Variants in SCGB1D1 observed in about 807,000 individuals in gnomAD.
SCGB1D1 encodes the protein secretoglobin family 1D member 1, also known as lipophilin A (uteroglobin family member).
A neutral mutation model predicts 8.3 loss-of-function variants in SCGB1D1; 10 were observed. That is an observed-to-expected ratio of 1.21 (90% CI 0.74 to 2.05). The LOEUF (loss-of-function observed/expected upper bound fraction) is 2.05. Among genes scored for constraint, SCGB1D1 ranks in the 30% most tolerant of loss-of-function variants. The probability of loss-of-function intolerance (pLI) is 0.00; values close to 1 mark genes in which losing one functional copy is unlikely to be tolerated. For synonymous variants in SCGB1D1, 46 were observed against 41.7 expected (o/e 1.10, Z -0.39); for missense variants, 94 against 105.1 (o/e 0.89, Z 0.46).
chr11:62,191,906 G>C, intron 1 of SCGB1D1, 150 bp from the exon 2 acceptor site: 1 of 632,596 alleles, frequency 1.6e-6, no homozygotes, highest in African/African-American at 1.8e-5. Flanking sequence ...CCTCAAGGAA[G>C]TCACAACCTC....
intron 1 of SCGB1D1, among the ~76,000 whole-genome samples, chr11:62,190,853 A>G (rs1351146730): frequency 1.3e-5 from 2 of 152,150 alleles, no homozygotes; most frequent in East Asian, 3.9e-4. Flanking sequence ...AGCTTCTTAC[A>G]TTGTAAATTC....
intron 1 of SCGB1D1, 49 bp from the exon 2 acceptor site, chr11:62,192,007 G>A (rs1316942066): frequency 6.6e-7 from 1 of 1,517,702 alleles, no homozygotes; most frequent in Non-Finnish European, 8.9e-7. Context: ...AGGCATGGGA[G>A]AAACACTGAT....
At chr11:62,192,856 G>A (rs1009657709) in intron 2 of SCGB1D1, among the ~76,000 whole-genome samples, 1 of 152,204 alleles carries the variant, frequency 6.6e-6, no homozygotes, top group Non-Finnish European at 1.5e-5. Flanking sequence ...CCATGGAAGC[G>A]GGATGTTCTC....
intron 2 of SCGB1D1, among the ~76,000 whole-genome samples, chr11:62,192,680 G>T (rs922386681): frequency 1.3e-5 from 2 of 152,068 alleles, no homozygotes; most frequent in Non-Finnish European, 2.9e-5. Flanking sequence ...TAGAGCAGGG[G>T]CTCCTGCAGA....
intron 2 of SCGB1D1, among the ~76,000 whole-genome samples, chr11:62,193,166 C>A (rs963840306): frequency 1.3e-5 from 2 of 152,160 alleles, no homozygotes; most frequent in African/African-American, 4.8e-5. Flanking sequence ...TCTGCTCTGT[C>A]CCCCCTCTAT....
chr11:62,192,345 C>A, intron 2 of SCGB1D1, 102 bp downstream of exon 2: 1 of 1,061,052 alleles, frequency 9.4e-7, no homozygotes, highest in Non-Finnish European at 1.4e-6. Context: ...GGTGGTGGGG[C>A]ACCTGCCTTA....
intron 1 of SCGB1D1, among the ~76,000 whole-genome samples, chr11:62,191,112 C>G (rs1160275727): frequency 6.6e-6 from 1 of 152,064 alleles, no homozygotes; most frequent in Admixed American, 6.5e-5. Flanking sequence ...CTTTCCTTTC[C>G]CCTGTCAGGA....
Position 62,192,098 on chromosome 11 carries a change from GCTT to G in SCGB1D1, c.102_104del (p.Phe34del), listed in dbSNP as rs1565116158. On this transcript the variant is annotated inframe_deletion, in exon 2 of 3. Transcript: ENST00000306238. ...CAAGCTCTTGGTTCTGAAATCACAGGCTTCTTATTAGCTGGAAAACCTGTGTTC... is the reference window on the plus strand; with the variant it reads ...CAAGCTCTTGGTTCTGAAATCACAGGCTTATTAGCTGGAAAACCTGTGTTC... The G allele has an allele frequency of 3.1e-6, 5 of 1,612,258 alleles. No homozygotes were observed. The highest frequency in any genetic ancestry group is 1.3e-5 in the African/African-American group (1 of 74,888).
chr11:62,191,668 T>C (rs1382701962), intron 1 of SCGB1D1, among the ~76,000 whole-genome samples: 1 of 152,190 alleles, frequency 6.6e-6, no homozygotes, highest in Non-Finnish European at 1.5e-5. Flanking sequence ...CCATTCCACT[T>C]CAAAATTTGA....
chr11:62,192,914 C>G (rs1944690230), intron 2 of SCGB1D1, among the ~76,000 whole-genome samples: 1 of 152,236 alleles, frequency 6.6e-6, no homozygotes, highest in African/African-American at 2.4e-5. Flanking sequence ...GCCTCTCAGC[C>G]TGGCTGCCTC....
Position 62,190,294 on chromosome 11 carries a change from T to C in SCGB1D1, c.10T>C (p.Ser4Pro). Residue 4 changes from serine (S) to proline (P), a missense_variant, in exon 1 of 3, where the codon TCG (serine) becomes CCG (proline). By Grantham distance (74) the Ser-to-Pro change is moderately conservative (BLOSUM62 -1). Coordinates refer to ENST00000306238, the MANE Select transcript of SCGB1D1 (RefSeq NM_006552.2). The part of the protein sequence containing the change: MRL[S>P]VCLLLLTLAL... Reference sequence around the variant, plus strand: ...AGCAGAATAAGCCACCATGAGGCTGTCGGTGTGTCTCCTGCTGCTCACGCT... The same window carrying C: ...AGCAGAATAAGCCACCATGAGGCTGCCGGTGTGTCTCCTGCTGCTCACGCT... 1 of 1,614,196 alleles carries C rather than the reference T, an allele frequency of 6.2e-7. No individual in the cohort carries two copies. Among genetic ancestry groups the C allele is most frequent in the Non-Finnish European group, 8.5e-7 (1 of 1,180,030 alleles).
At position 62,190,248 on chromosome 11, in the gene SCGB1D1, A is replaced by T. The variant is rs775314540; in HGVS notation, c.-37A>T. ...CGGGGCTGAGTCTAAATCACTCATC[A>T]TTGGTTAAAGCCGAGCTCACAGCAG... On this transcript the variant is annotated 5_prime_UTR_variant, in exon 1 of 3. Transcript: ENST00000306238. 1 of 1,613,814 alleles carries T rather than the reference A, an allele frequency of 6.2e-7. No homozygotes were observed. Among genetic ancestry groups the T allele is most frequent in the Non-Finnish European group, 8.5e-7 (1 of 1,179,816 alleles).
intron 1 of SCGB1D1, among the ~76,000 whole-genome samples, chr11:62,191,838 CTGAA>C (rs1321286966): frequency 6.6e-6 from 1 of 152,134 alleles, no homozygotes; most frequent in Non-Finnish European, 1.5e-5. Context: ...AAAACAAAGA[CTGAA>C]TGAGTGATCA....
rs754135483 is a variant in SCGB1D1 at position 62,190,340 on chromosome 11, G to A, written c.55+1G>A. The A allele has an allele frequency of 5.6e-6, 9 of 1,614,072 alleles. No homozygotes were observed. The highest frequency in any genetic ancestry group is 5.5e-5 in the South Asian group (5 of 91,094). ...ACGCTGGCCCTTTGCTGCTACCGGG[G>A]TGAGTACATCAGTCATGAGTCCAGC... On this transcript the variant is annotated splice_donor_variant, in intron 1 of 2. Coordinates refer to ENST00000306238, the MANE Select transcript of SCGB1D1 (RefSeq NM_006552.2). LOFTEE classifies it high-confidence loss of function.
chr11:62,192,338 G>GCCCCACCACCT, intron 2 of SCGB1D1, 95 bp downstream of exon 2: 3 of 1,134,650 alleles, frequency 2.6e-6, no homozygotes, highest in Non-Finnish European at 3.8e-6. Context: ...GGACACAGGT[G>GCCCCACCACCT]GTGGGGCACC....
Position 62,193,426 on chromosome 11 carries a change from T to C in SCGB1D1, c.271T>C (p.Ter91ArgextTer6). 1 of 1,612,606 alleles carries C rather than the reference T, an allele frequency of 6.2e-7. No individual in the cohort carries two copies. The highest frequency in any genetic ancestry group is 8.5e-7 in the Non-Finnish European group (1 of 1,179,192). Residue 91 changes from the stop codon to arginine (R), a stop_lost, in exon 3 of 3, where the codon TGA (stop) becomes CGA (arginine). Transcript: ENST00000306238. ...AAAAATAGCAGAGAAATGTGATCGC[T>C]GAGATGTAAAAAGTTTTTAATGCTA... ...LGKIAEKCDR[*>R] is the part of the protein sequence containing the mutation.
chr11:62,193,098 T>C (rs559441929), intron 2 of SCGB1D1, among the ~76,000 whole-genome samples: 2 of 152,274 alleles, frequency 1.3e-5, no homozygotes, highest in Admixed American at 6.5e-5. Flanking sequence ...GGGTCTTTCA[T>C]TGCGGGGAAC....
At chr11:62,190,453 C>A in intron 1 of SCGB1D1, 114 bp downstream of exon 1, 1 of 1,273,818 alleles carries the variant, frequency 7.9e-7, no homozygotes, top group South Asian at 1.3e-5. Context: ...AATTCCAAAC[C>A]TTATCCTGTG....
Position 62,192,120 on chromosome 11 carries a change from T to C in SCGB1D1, c.120T>C (p.Pro40=), listed in dbSNP as rs144689381. 62 of 1,613,466 alleles carry C rather than the reference T, an allele frequency of 3.8e-5. No homozygotes were observed. The highest frequency in any genetic ancestry group is 5.3e-5 in the Non-Finnish European group (62 of 1,179,564). ...CAGGCTTCTTATTAGCTGGAAAACC[T>C]GTGTTCAAGTTCCAACTTGCCAAAT... The part of the protein sequence containing the change: ...EITGFLLAGK[P]VFKFQLAKFK... Residue 40 remains proline (P), a synonymous_variant, in exon 2 of 3, where the codon CCT becomes CCC. Coordinates refer to ENST00000306238, the MANE Select transcript of SCGB1D1 (RefSeq NM_006552.2).
Sources: gnomAD v4.1 joint callset for allele counts (sites outside exome capture counted in the v4.1 genomes callset) on GRCh38, gnomAD v4.1.1 for gene constraint, MANE v1.5 for transcripts, NCBI Gene and HGNC (gene_info 2026-07-23, HGNC 2026-07-21) for gene names.